PKP4: variants seen among roughly 807,000 people sequenced by gnomAD.
PKP4 encodes the protein plakophilin-4.
In PKP4, 90 loss-of-function variants were observed where a neutral mutation model predicts 145.1. The ratio of observed to expected loss-of-function variants is 0.62; its 90% CI spans 0.52 to 0.74. The LOEUF is 0.74. PKP4 is among the 30% of genes least tolerant of loss of function. The pLI is 0.00. For synonymous variants in PKP4, 563 were observed against 577.2 expected (o/e 0.98, Z 0.35); for missense variants, 1,340 against 1,482.7 (o/e 0.90, Z 1.58).
At chr2:158,608,113 C>T (rs1374369422) in intron 4 of PKP4, among the ~76,000 whole-genome samples, 4 of 152,122 alleles carry the variant, frequency 2.6e-5, no homozygotes, top group Admixed American at 1.3e-4. Context: ...CACTATTCTC[C>T]ATGATGTGAT....
intron 1 of PKP4, among the ~76,000 whole-genome samples, chr2:158,483,906 C>T (rs1168703879): frequency 1.3e-5 from 2 of 152,124 alleles, no homozygotes; most frequent in South Asian, 4.1e-4. Flanking sequence ...GCAGAAACCA[C>T]GGTCAGCTGA....
intron 2 of PKP4, among the ~76,000 whole-genome samples, chr2:158,564,627 T>C (rs1373944545): frequency 6.6e-6 from 1 of 152,168 alleles, no homozygotes; most frequent in Non-Finnish European, 1.5e-5. Context: ...TAAGTGCCCA[T>C]TTCCCCCCAG....
intron 1 of PKP4, among the ~76,000 whole-genome samples, chr2:158,523,996 C>G (rs1574276107): frequency 1.6e-5 from 1 of 63,228 alleles, no homozygotes. Context: ...AAGACCATAT[C>G]TACGTCTGAT....
intron 9 of PKP4, among the ~76,000 whole-genome samples, chr2:158,637,914 G>C (rs2053949325): frequency 6.6e-6 from 1 of 152,232 alleles, no homozygotes. Flanking sequence ...TTTTCATCGA[G>C]GTTGGAGTTG....
At position 158,515,155 on chromosome 2, in the gene PKP4, G is replaced by A. The variant is rs2105541930; in HGVS notation, c.-5-18025G>A. On this transcript the variant is annotated intron_variant, in intron 1 of 21. Transcript: ENST00000389759. Reference sequence around the variant, plus strand: ...TAATTGTTGTATAACCCAGATGGGGGAATTTATCTGTGCAACCAAAGTACC... The same window carrying A: ...TAATTGTTGTATAACCCAGATGGGGAAATTTATCTGTGCAACCAAAGTACC... 2.0e-5 allele frequency among the ~76,000 whole-genome samples: 3 copies of A among 152,262 alleles called. No individual in the cohort carries two copies. The South Asian group carries it at 6.2e-4, about 32-fold the overall frequency.
intron 11 of PKP4, among the ~76,000 whole-genome samples, chr2:158,648,032 A>G (rs2528579): frequency 0.67 from 102,550 of 152,134 alleles, 37,073 homozygotes; most frequent in East Asian, 0.92. Flanking sequence ...AAGATATTGC[A>G]CAAATCTGGA....
intron 4 of PKP4, among the ~76,000 whole-genome samples, chr2:158,611,256 G>A (rs1306504957): frequency 2.0e-5 from 3 of 152,140 alleles, no homozygotes; most frequent in Admixed American, 6.5e-5. Context: ...TTCATTTATT[G>A]TATAACAGGT....
rs897366417 is a variant in PKP4 at position 158,654,710 on chromosome 2, G to A, written c.1910-3421G>A. Among the ~76,000 whole-genome samples the A allele has an allele frequency of 4.6e-5, 7 of 152,064 alleles. No individual in the cohort carries two copies. In the South Asian group the frequency reaches 1.0e-3, roughly 23 times the overall value. On this transcript the variant is annotated intron_variant, in intron 11 of 21. Coordinates refer to ENST00000389759, the MANE Select transcript of PKP4 (RefSeq NM_003628.6). ...TTGTTAGAGATCCTCTCCCCCAGTT[G>A]CAAACTTAAAGGACACTCCTGAATA...
chr2:158,544,824 A>C (rs540620462), intron 2 of PKP4, among the ~76,000 whole-genome samples: 1 of 152,296 alleles, frequency 6.6e-6, no homozygotes, highest in East Asian at 1.9e-4. Flanking sequence ...CTGTGTCAAG[A>C]GGGCCCTTTT....
intron 1 of PKP4, among the ~76,000 whole-genome samples, chr2:158,472,474 GCAGTGGCAGGCGCCTATAATCC>G (rs1691733852): frequency 1.3e-5 from 2 of 151,930 alleles, no homozygotes; most frequent in East Asian, 3.9e-4. Flanking sequence ...TTGGCCTAGG[GCAGTGGCAGGCGCCTATAATCC>G]CAGCTACTCG....
At position 158,631,807 on chromosome 2, in the gene PKP4, C is replaced by A; in HGVS notation, c.1208C>A (p.Ser403Tyr). 2 of 1,614,122 alleles carry A rather than the reference C, an allele frequency of 1.2e-6. No individual in the cohort carries two copies. Among genetic ancestry groups the A allele is most frequent in the Non-Finnish European group, 1.7e-6 (2 of 1,179,962 alleles). The part of the protein sequence containing the change: ...QHSQLGQDLR[S>Y]AVSPDLHITP... Reference sequence around the variant, plus strand: ...AGTCAGCTTGGGCAAGACCTTCGTTCTGCCGTGTCTCCCGACTTGCACATT... The same window carrying A: ...AGTCAGCTTGGGCAAGACCTTCGTTATGCCGTGTCTCCCGACTTGCACATT... The change falls in exon 8 of 22, where the codon TCT becomes TAT. Residue 403 changes from serine to tyrosine, a missense_variant. Transcript: ENST00000389759.
intron 1 of PKP4, among the ~76,000 whole-genome samples, chr2:158,458,643 G>T (rs566032509): frequency 6.6e-6 from 1 of 152,292 alleles, no homozygotes; most frequent in African/African-American, 2.4e-5. Context: ...AGTGCTCACG[G>T]GCATGTACTG....
At chr2:158,465,820 A>G (rs1690516976) in intron 1 of PKP4, among the ~76,000 whole-genome samples, 1 of 152,224 alleles carries the variant, frequency 6.6e-6, no homozygotes, top group Non-Finnish European at 1.5e-5. Flanking sequence ...TGACTAAGGA[A>G]TCACAAAATC....
chr2:158,629,641 G>A (rs2053160682), intron 7 of PKP4, among the ~76,000 whole-genome samples: 2 of 152,072 alleles, frequency 1.3e-5, no homozygotes, highest in Admixed American at 1.3e-4. Flanking sequence ...TAACCAACAT[G>A]TAATTAGCAC....
intron 3 of PKP4, among the ~76,000 whole-genome samples, chr2:158,598,321 C>T (rs1005156890): frequency 2.6e-5 from 4 of 152,250 alleles, no homozygotes; most frequent in African/African-American, 9.6e-5. Context: ...AGGGAAATGG[C>T]ATGGCAGAAT....
At chr2:158,494,487 AGGATGATTTGTTT>A (rs1401669020) in intron 1 of PKP4, among the ~76,000 whole-genome samples, 1 of 152,208 alleles carries the variant, frequency 6.6e-6, no homozygotes, top group Non-Finnish European at 1.5e-5. Flanking sequence ...AATACCATTA[AGGATGATTTGTTT>A]TGTAATAACA....
chr2:158,514,968 G>A (rs747134223), intron 1 of PKP4, among the ~76,000 whole-genome samples: 2 of 152,134 alleles, frequency 1.3e-5, no homozygotes, highest in Non-Finnish European at 2.9e-5. Flanking sequence ...ATTACTCAAT[G>A]CATCATTGCT....
chr2:158,658,594 C>A, intron 12 of PKP4: 1 of 298,190 alleles, frequency 3.4e-6, no homozygotes. Context: ...TCCACTTTAA[C>A]AGCATTTTTC....
chr2:158,570,212 A>G (rs74992765), intron 2 of PKP4, among the ~76,000 whole-genome samples: 1,705 of 152,278 alleles, frequency 0.011, 34 homozygotes, highest in African/African-American at 0.038. Context: ...AAATATGACT[A>G]CTTTGGTTTT....
Sources: gnomAD v4.1 joint callset for allele counts (sites outside exome capture counted in the v4.1 genomes callset) on GRCh38, gnomAD v4.1.1 for gene constraint, MANE v1.5 for transcripts, NCBI Gene and HGNC (gene_info 2026-07-23, HGNC 2026-07-21) for gene names.